PHACTR1: variants seen among roughly 807,000 people sequenced by gnomAD.
PHACTR1 encodes the protein RPEL repeat containing 1.
PHACTR1 carries 16 observed loss-of-function variants against 69.2 expected under a neutral mutation model. The ratio of observed to expected loss-of-function variants is 0.23; its 90% confidence interval spans 0.16 to 0.35. PHACTR1 has a LOEUF of 0.35. PHACTR1 is among the 10% of genes least tolerant of loss of function. PHACTR1 has a pLI of 1.00. For synonymous variants in PHACTR1, 312 were observed against 284.5 expected (o/e 1.10, Z -0.97); for missense variants, 510 against 734.7 (o/e 0.69, Z 3.54).
At chr6:13,065,159 G>A (rs1808435340) in intron 5 of PHACTR1, among the ~76,000 whole-genome samples, 2 of 152,140 alleles carry the variant, frequency 1.3e-5, no homozygotes, top group South Asian at 2.1e-4. Context: ...ACTGGGGTCA[G>A]GAGAGGTCTA....
At chr6:12,745,899 T>A (rs1456591212) in intron 3 of PHACTR1, among the ~76,000 whole-genome samples, 1 of 152,136 alleles carries the variant, frequency 6.6e-6, no homozygotes, top group East Asian at 1.9e-4. Context: ...GTAGTACTAC[T>A]GGCAGTGGCA....
chr6:13,278,925 T>C (rs1779532054), intron 12 of PHACTR1, among the ~76,000 whole-genome samples: 1 of 147,888 alleles, frequency 6.8e-6, no homozygotes, highest in Non-Finnish European at 1.5e-5. Flanking sequence ...ATCGCGCCAC[T>C]GCACTCCAGC....
At chr6:13,096,843 T>G (rs998424699) in intron 5 of PHACTR1, among the ~76,000 whole-genome samples, 4 of 152,240 alleles carry the variant, frequency 2.6e-5, no homozygotes, top group African/African-American at 9.6e-5. Context: ...ATGAATAGTT[T>G]CAAGAGGCAT....
chr6:12,879,583 T>G (rs1205267026), intron 4 of PHACTR1, among the ~76,000 whole-genome samples: 2 of 152,228 alleles, frequency 1.3e-5, no homozygotes, highest in East Asian at 3.8e-4. Context: ...TTTTTGTCCC[T>G]GTCAGAGACT....
intron 10 of PHACTR1, among the ~76,000 whole-genome samples, chr6:13,255,278 C>T (rs1161139243): frequency 6.6e-6 from 1 of 152,162 alleles, no homozygotes; most frequent in South Asian, 2.1e-4. Context: ...AGGTGCTAAC[C>T]CATTCATGAG....
chr6:13,221,474 C>G (rs1458324834), intron 8 of PHACTR1, among the ~76,000 whole-genome samples: 1 of 152,050 alleles, frequency 6.6e-6, no homozygotes, highest in African/African-American at 2.4e-5. Flanking sequence ...AAGTTTGCAA[C>G]CATTGGGGGA....
intron 5 of PHACTR1, among the ~76,000 whole-genome samples, chr6:13,114,904 C>G (rs1817588144): frequency 6.6e-6 from 1 of 152,154 alleles, no homozygotes; most frequent in Non-Finnish European, 1.5e-5. Context: ...TTACTATATC[C>G]CAGACTTGGT....
intron 4 of PHACTR1, among the ~76,000 whole-genome samples, chr6:12,872,497 CT>C (rs1782135445): frequency 6.6e-6 from 1 of 152,126 alleles, no homozygotes; most frequent in South Asian, 2.1e-4. Flanking sequence ...CACTTCTTTG[CT>C]CTTTGATTTT....
chr6:12,901,345 C>T (rs1785164669), intron 4 of PHACTR1, among the ~76,000 whole-genome samples: 2 of 152,286 alleles, frequency 1.3e-5, no homozygotes, highest in South Asian at 4.2e-4. Context: ...CAAGAGGCTC[C>T]TCTTGTAATC....
chr6:12,982,351 T>G (rs1472222528), intron 4 of PHACTR1, among the ~76,000 whole-genome samples: 1 of 152,208 alleles, frequency 6.6e-6, no homozygotes, highest in Admixed American at 6.5e-5. Context: ...CATGAATGAC[T>G]TTTCTACTAC....
chr6:13,119,227 A>C (rs1199401606), intron 5 of PHACTR1, among the ~76,000 whole-genome samples: 1 of 152,202 alleles, frequency 6.6e-6, no homozygotes, highest in Non-Finnish European at 1.5e-5. Context: ...AACAATACCC[A>C]AACAGAGACT....
Position 12,982,841 on chromosome 6 carries a change from A to T in PHACTR1, c.251-70524A>T, listed in dbSNP as rs553719462. ...TCCAGTGGATAAGTTCCTGACTCTC[A>T]AAAAAATGCTCTACTTTTCTAGCTA... is the stretch of plus-strand genomic sequence containing the variant. On this transcript the variant is annotated intron_variant, in intron 4 of 14. Coordinates refer to ENST00000332995, the MANE Select transcript of PHACTR1 (RefSeq NM_030948.6). Among the ~76,000 whole-genome samples the T allele has an allele frequency of 2.0e-5, 3 of 152,236 alleles. No individual in the cohort carries two copies. In the East Asian group the frequency reaches 5.8e-4, roughly 29 times the overall value.
rs1197879564 is a variant in PHACTR1 at position 13,283,554 on chromosome 6, G to C, written c.1642G>C (p.Ala548Pro). 6.2e-7 allele frequency: 1 copy of C among 1,613,728 alleles called. No homozygotes were observed. Among genetic ancestry groups the C allele is most frequent in the Non-Finnish European group, 8.5e-7 (1 of 1,179,884 alleles). The part of the protein sequence containing the change: ...ADKPWTRLTA[A>P]DKAAIRKELN... ...TAAGCCGTGGACCCGCCTCACCGCT[G>C]CAGACAAAGTAAGCAGAGGGGAGTG... is the stretch of plus-strand genomic sequence containing the variant. The change falls in exon 13 of 15, where the codon GCA (alanine) becomes CCA (proline). Residue 548 changes from alanine to proline, a missense_variant. By Grantham distance (27) the Ala-to-Pro change is conservative (BLOSUM62 -1). This residue lies in a region of PHACTR1 where 91 missense variants were observed against 203.8 expected (regional missense o/e 0.45). Transcript: ENST00000332995. This position sits in a 1 kb window ranked among gnomAD's most constrained non-coding sequence, Gnocchi z 4.7.
At chr6:13,095,421 A>G (rs1814026976) in intron 5 of PHACTR1, among the ~76,000 whole-genome samples, 1 of 152,180 alleles carries the variant, frequency 6.6e-6, no homozygotes, top group Non-Finnish European at 1.5e-5. Flanking sequence ...CTTTTAGGTG[A>G]TGTTCTGCTA....
In PHACTR1 at chr6:12,858,826, A is replaced by C. The variant is rs77050403; in HGVS notation, c.250+109036A>C. 2.1e-4 allele frequency among the ~76,000 whole-genome samples: 29 copies of C among 141,304 alleles called. No homozygotes were observed. In the Middle Eastern group the frequency reaches 0.011, roughly 53 times the overall value. The allele number at this position is 141,304 out of a possible 152,430, so 92.7% of individuals were successfully genotyped here. On this transcript the variant is annotated intron_variant, in intron 4 of 14. Transcript: ENST00000332995. The stretch of plus-strand genomic sequence containing the variant: ...CATACATACACACACACACACACAC[A>C]CCACACACACACACACACAAAGTGC...
chr6:12,855,933 A>G (rs1429534442), intron 4 of PHACTR1, among the ~76,000 whole-genome samples: 3 of 152,254 alleles, frequency 2.0e-5, no homozygotes, highest in Non-Finnish European at 4.4e-5. Context: ...AATGGCTTAG[A>G]GTGAATCCTG....
At chr6:13,162,246 C>A (rs563339675) in intron 6 of PHACTR1, among the ~76,000 whole-genome samples, 1 of 151,638 alleles carries the variant, frequency 6.6e-6, no homozygotes, top group Non-Finnish European at 1.5e-5. Flanking sequence ...ACCACAGGTG[C>A]GCACCACCAT....
intron 3 of PHACTR1, among the ~76,000 whole-genome samples, chr6:12,720,862 C>T (rs1472956601): frequency 2.0e-5 from 3 of 152,208 alleles, no homozygotes; most frequent in Non-Finnish European, 4.4e-5. Context: ...TCTCCTCTTC[C>T]ACCTCACAAC....
At chr6:13,003,950 C>CATATATATATATAGATATATATAT (rs1562119669) in intron 4 of PHACTR1, among the ~76,000 whole-genome samples, 1 of 81,360 alleles carries the variant, frequency 1.2e-5, no homozygotes, top group African/African-American at 6.3e-5. Context: ...CAGTAGTATT[C>CATATATATATATAGATATATATAT]CTATATATAT....
Sources: gnomAD v4.1 joint callset for allele counts (sites outside exome capture counted in the v4.1 genomes callset) on GRCh38, gnomAD v4.1.1 for gene constraint, gnomAD v4.1.1 regional missense constraint, Gnocchi (gnomAD v3.1) non-coding constraint, MANE v1.5 for transcripts, NCBI Gene and HGNC (gene_info 2026-07-23, HGNC 2026-07-21) for gene names.